The following GRB2 variants were observed in gnomAD, a reference collection of about 807,000 sequenced individuals.
GRB2 encodes growth factor receptor bound protein 2, also known as growth factor receptor-bound protein 2.
A neutral mutation model predicts 27.4 loss-of-function variants in GRB2; 2 were observed. The observed-to-expected ratio is 0.07, with a 90% CI of 0.03 to 0.23. The LOEUF (loss-of-function observed/expected upper bound fraction) is 0.23, where lower values mean the gene tolerates loss of function less well. Among genes scored for constraint, GRB2 ranks in the 10% least tolerant of loss-of-function variants. The probability of loss-of-function intolerance (pLI) is 1.00; values close to 1 mark genes in which losing one functional copy is unlikely to be tolerated. For missense variants in GRB2, 102 were observed against 282.4 expected, an observed-to-expected ratio of 0.36 and a Z score of 4.58; for synonymous variants, 94 against 99.6, an observed-to-expected ratio of 0.94 and a Z score of 0.33.
intron 1 of GRB2, among the ~76,000 whole-genome samples, chr17:75,403,977 G>A (rs919271127): frequency 2.0e-5 from 3 of 152,030 alleles, no homozygotes; most frequent in Non-Finnish European, 4.4e-5. Context: ...GCTGGACATG[G>A]TGGTGGGCGC....
At chr17:75,375,839 C>G (rs573359420) in intron 2 of GRB2, among the ~76,000 whole-genome samples, 1 of 151,356 alleles carries the variant, frequency 6.6e-6, no homozygotes, top group East Asian at 2.0e-4. Context: ...TCCTGGCTAA[C>G]ACGGTGAAAC....
chr17:75,358,236 C>T (rs1349079032), intron 2 of GRB2, among the ~76,000 whole-genome samples: 1 of 151,956 alleles, frequency 6.6e-6, no homozygotes, highest in East Asian at 1.9e-4. Flanking sequence ...ATATTTAAAC[C>T]AAAAATGTGG....
intron 1 of GRB2, among the ~76,000 whole-genome samples, chr17:75,396,434 G>T (rs1350206020): frequency 6.6e-6 from 1 of 151,826 alleles, no homozygotes; most frequent in Admixed American, 6.6e-5. Context: ...GTAGAGACAG[G>T]GTCTCACTAT....
chr17:75,351,550 G>C (rs1411675149), intron 2 of GRB2, among the ~76,000 whole-genome samples: 1 of 152,020 alleles, frequency 6.6e-6, no homozygotes, highest in Non-Finnish European at 1.5e-5. Flanking sequence ...GCTACTCTGA[G>C]ACTACAGTGG....
intron 2 of GRB2, among the ~76,000 whole-genome samples, chr17:75,368,262 C>A (rs1030346795): frequency 6.9e-6 from 1 of 144,236 alleles, no homozygotes; most frequent in Non-Finnish European, 1.5e-5. Context: ...GTCACCCAGG[C>A]TAGAGTGCAG....
chr17:75,353,224 TG>T lies in GRB2; in HGVS notation c.79-20428del, dbSNP rs557206669. The stretch of plus-strand genomic sequence containing the variant: ...AAGACACAGTTGTACCTTGTATTCA[TG>T]GGGGACTGGTTCCAGGACCCCTGCA... On this transcript the variant is annotated intron_variant, in intron 2 of 5. Transcript: ENST00000316804. 7.2e-3 allele frequency among the ~76,000 whole-genome samples: 1,093 copies of T among 150,934 alleles called. 6 individuals are homozygous for T. Among genetic ancestry groups the T allele is most frequent in the Middle Eastern group, 0.01 (3 of 286 alleles).
chr17:75,384,388 G>A (rs542682353), intron 2 of GRB2, among the ~76,000 whole-genome samples: 2 of 152,296 alleles, frequency 1.3e-5, no homozygotes, highest in Admixed American at 1.3e-4. Flanking sequence ...AAAACTGATA[G>A]CTGGGCATGG....
At chr17:75,347,686 TG>T (rs1336966484) in intron 2 of GRB2, among the ~76,000 whole-genome samples, 1 of 152,174 alleles carries the variant, frequency 6.6e-6, no homozygotes, top group Non-Finnish European at 1.5e-5. Context: ...CTGCTGAACC[TG>T]GGAACAAGCC....
At chr17:75,331,872 T>C (rs1389271126) in intron 3 of GRB2, among the ~76,000 whole-genome samples, 29 of 152,178 alleles carry the variant, frequency 1.9e-4, no homozygotes, top group Admixed American at 1.9e-3. Context: ...ATATGGGACC[T>C]GGGGAGGATG....
rs2078443146 is a variant in GRB2, at chr17:75,319,580, G to T, written c.*788C>A. Reference sequence around the variant, plus strand: ...CCTGCCTCAGGCTCCCAAGTAGCTGGGACTACAGGTGCGTGCCACACCCGG... The same window carrying T: ...CCTGCCTCAGGCTCCCAAGTAGCTGTGACTACAGGTGCGTGCCACACCCGG... On this transcript the variant is annotated 3_prime_UTR_variant, in exon 6 of 6. Coordinates refer to ENST00000316804, the MANE Select transcript of GRB2 (RefSeq NM_002086.5). 1 of 101,942 alleles carries T rather than the reference G, an allele frequency of 9.8e-6. No individual in the cohort carries two copies. The highest frequency in any genetic ancestry group is 3.3e-5 in the African/African-American group (1 of 30,582). The allele number at this position is 101,942 out of a possible 1,614,324, so 6.3% of individuals were successfully genotyped here. A position where few individuals can be genotyped will look rare whatever the true frequency, so the allele number is the denominator to read the frequency against.
In GRB2 at chr17:75,319,070, ACACTCACACTG is replaced by A. The variant is rs1425079367; in HGVS notation, c.*1287_*1297del. The A allele has an allele frequency of 6.6e-6, 1 of 152,428 alleles. No homozygotes were observed. The highest frequency in any genetic ancestry group is 1.5e-5 in the Non-Finnish European group (1 of 68,054). 9.4% of individuals were successfully genotyped at this position (152,428 alleles called of 1,614,324 possible). Reference sequence around the variant, plus strand: ...TTCCCTCTTGCCCCGGTGGCCCATCACACTCACACTGCACCCTGGGCAAGCAGTTCCCTGAA... The same window carrying A: ...TTCCCTCTTGCCCCGGTGGCCCATCACACCCTGGGCAAGCAGTTCCCTGAA... On this transcript the variant is annotated 3_prime_UTR_variant, in exon 6 of 6. Coordinates refer to ENST00000316804, the MANE Select transcript of GRB2 (RefSeq NM_002086.5).
intron 2 of GRB2, among the ~76,000 whole-genome samples, chr17:75,352,951 C>A (rs1444014279): frequency 6.6e-6 from 1 of 151,042 alleles, no homozygotes; most frequent in African/African-American, 2.4e-5. Flanking sequence ...TTTGGGAGGC[C>A]GAGGTGGGTG....
rs2078448704 is a variant in GRB2 at position 75,320,170 on chromosome 17, T to C, written c.*198A>G. On this transcript the variant is annotated 3_prime_UTR_variant, in exon 6 of 6. Coordinates refer to ENST00000316804, the MANE Select transcript of GRB2 (RefSeq NM_002086.5). This position sits in a 1 kb window ranked among gnomAD's most constrained non-coding sequence, Gnocchi z 4.3. ...TGTAATAAAAACTCTTCTTAATTTATAGGTAAGTTTTGGCATTTTTAAATC... is the reference window on the plus strand; with the variant it reads ...TGTAATAAAAACTCTTCTTAATTTACAGGTAAGTTTTGGCATTTTTAAATC... 5 of 526,484 alleles carry C rather than the reference T, an allele frequency of 9.5e-6. No individual in the cohort carries two copies. The highest frequency in any genetic ancestry group is 1.7e-5 in the Non-Finnish European group (5 of 290,082). The allele number at this position is 526,484 out of a possible 1,614,324, so 32.6% of individuals were successfully genotyped here.
chr17:75,355,607 T>A (rs2078726690), intron 2 of GRB2, among the ~76,000 whole-genome samples: 2 of 148,334 alleles, frequency 1.3e-5, no homozygotes, highest in African/African-American at 2.5e-5. Flanking sequence ...GCTGATGAGC[T>A]TAAAAAAAAA....
chr17:75,342,457 C>T (rs982978756), intron 2 of GRB2, among the ~76,000 whole-genome samples: 3 of 151,952 alleles, frequency 2.0e-5, no homozygotes, highest in South Asian at 4.2e-4. Context: ...AAAATTGAGA[C>T]GAGGGTCTTC....
chr17:75,358,897 A>T (rs1461120231), intron 2 of GRB2, among the ~76,000 whole-genome samples: 1,119 of 83,880 alleles, frequency 0.013, 8 homozygotes, highest in Non-Finnish European at 0.025. Flanking sequence ...AAAAAAAAAA[A>T]ATTATATATA....
chr17:75,375,550 T>G (rs4788888), intron 2 of GRB2, among the ~76,000 whole-genome samples: 138,004 of 152,238 alleles, frequency 0.91, 62,994 homozygotes, highest in Non-Finnish European at 0.96. Flanking sequence ...AATCTGAAAG[T>G]ATTAAAATCA....
At chr17:75,366,201 C>T (rs911530286) in intron 2 of GRB2, among the ~76,000 whole-genome samples, 1 of 151,736 alleles carries the variant, frequency 6.6e-6, no homozygotes, top group Non-Finnish European at 1.5e-5. Context: ...GAGCTTCAGC[C>T]CTGATCAAAT....
intron 2 of GRB2, among the ~76,000 whole-genome samples, chr17:75,333,137 G>A (rs1407463664): frequency 5.3e-5 from 8 of 151,874 alleles, no homozygotes; most frequent in African/African-American, 1.9e-4. Flanking sequence ...GTGCAGTGGC[G>A]CGATCTTGGC....
Sources: gnomAD v4.1 joint callset for allele counts (sites outside exome capture counted in the v4.1 genomes callset) on GRCh38, gnomAD v4.1.1 for gene constraint, Gnocchi (gnomAD v3.1) non-coding constraint, MANE v1.5 for transcripts, NCBI Gene and HGNC (gene_info 2026-07-23, HGNC 2026-07-21) for gene names.